BEND6: variants seen among roughly 807,000 people sequenced by gnomAD.
The protein encoded by BEND6 is BEN domain-containing protein 6.
In BEND6, 24 loss-of-function variants were observed where a neutral mutation model predicts 31.8. The observed-to-expected ratio is 0.75, with a 90% CI of 0.55 to 1.06. The LOEUF is 1.06. BEND6 is among the 50% of genes least tolerant of loss of function. The pLI is 0.00. For synonymous variants in BEND6, 109 were observed against 114.6 expected, an observed-to-expected ratio of 0.95 and a Z score of 0.31; for missense variants, 294 against 327.4, an observed-to-expected ratio of 0.90 and a Z score of 0.79.
intron 1 of BEND6, among the ~76,000 whole-genome samples, chr6:56,961,698 A>G (rs192176308): frequency 5.9e-5 from 9 of 152,232 alleles, no homozygotes; most frequent in African/African-American, 2.2e-4. Flanking sequence ...GAGGGACAAA[A>G]GGAATTAGTA....
intron 4 of BEND6, 108 bp downstream of exon 4, chr6:57,015,461 AG>A: frequency 1.3e-5 from 14 of 1,078,554 alleles, no homozygotes; most frequent in African/African-American, 1.6e-5. Flanking sequence ...TGGATAAAAT[AG>A]TTTTATTCAA....
At chr6:56,976,961 C>T (rs1825898715) in intron 1 of BEND6, among the ~76,000 whole-genome samples, 1 of 152,146 alleles carries the variant, frequency 6.6e-6, no homozygotes, top group South Asian at 2.1e-4. Flanking sequence ...ATTTCCAACT[C>T]ACAGGAAAAT....
intron 3 of BEND6, chr6:57,010,790 G>A: frequency 3.6e-6 from 3 of 838,296 alleles, no homozygotes; most frequent in Non-Finnish European, 4.3e-6. Context: ...GAATGAGTAA[G>A]TATAAAATAA....
chr6:56,983,940 C>T (rs1290484391), intron 2 of BEND6, among the ~76,000 whole-genome samples: 2 of 152,034 alleles, frequency 1.3e-5, no homozygotes, highest in Non-Finnish European at 2.9e-5. Flanking sequence ...TTTGTGAGGC[C>T]AGATGCAGTG....
rs1471733070 is a variant in BEND6 at position 57,017,308 on chromosome 6, C to T, written c.621C>T (p.Ala207=). The T allele has an allele frequency of 1.4e-6, 2 of 1,479,424 alleles. No individual in the cohort carries two copies. Among genetic ancestry groups the T allele is most frequent in the East Asian group, 2.7e-5 (1 of 37,726 alleles). The allele number at this position is 1,479,424 out of a possible 1,614,324, so 91.6% of individuals were successfully genotyped here. The part of the protein sequence containing the change: ...MQVLYTNEYM[A]THSLTGAKSS... ...TACTTTACACAAATGAATACATGGCCACTCACAGCCTGACAGGGGCAAAAT... is the reference window on the plus strand; with the variant it reads ...TACTTTACACAAATGAATACATGGCTACTCACAGCCTGACAGGGGCAAAAT... The change falls in exon 5 of 7, where the codon GCC becomes GCT. Residue 207 remains alanine, a synonymous_variant. Transcript: ENST00000370746.
Position 56,955,401 on chromosome 6 carries a change from C to G in BEND6, c.-160C>G, listed in dbSNP as rs973903558. The stretch of plus-strand genomic sequence containing the variant: ...ACAGGAGCCTCCCGGCGGTGCTACC[C>G]TCCACCTCCCACCTCCCTGCGCCCC... On this transcript the variant is annotated 5_prime_UTR_variant, in exon 1 of 7. Transcript: ENST00000370746. 3 of 152,316 alleles carry G rather than the reference C, an allele frequency of 2.0e-5. No homozygotes were observed. The highest frequency in any genetic ancestry group is 7.2e-5 in the African/African-American group (3 of 41,462). 9.4% of individuals were successfully genotyped at this position (152,316 alleles called of 1,614,324 possible).
At position 56,992,425 on chromosome 6, in the gene BEND6, T is replaced by A. The variant is rs752357616; in HGVS notation, c.168T>A (p.Ser56Arg). Reference sequence around the variant, plus strand: ...CCTTTCTGCCTGGTGAAAGCTCCAGTGAGGATGAAGAGCCTTTAGCAGAAT... The same window carrying A: ...CCTTTCTGCCTGGTGAAAGCTCCAGAGAGGATGAAGAGCCTTTAGCAGAAT... ...GNAFLPGESS[S>R]EDEEPLAELS... is the part of the protein sequence containing the mutation. The change falls in exon 3 of 7, where the codon AGT becomes AGA. Residue 56 changes from serine to arginine, a missense_variant. By Grantham distance (110) the Ser-to-Arg change is moderately radical. Coordinates refer to ENST00000370746, the MANE Select transcript of BEND6 (RefSeq NM_152731.3). The A allele has an allele frequency of 2.7e-5, 44 of 1,613,686 alleles. 1 individual carries two copies. In the South Asian group the frequency reaches 4.5e-4, roughly 17 times the overall value.
chr6:57,018,500 C>A lies in BEND6; in HGVS notation c.792C>A (p.Thr264=). The A allele has an allele frequency of 6.3e-7, 1 of 1,579,634 alleles. No homozygotes were observed. The highest frequency in any genetic ancestry group is 1.9e-5 in the Admixed American group (1 of 52,286). ...TAGGGCAAAAGCTAAACAACTGTAC[C>A]AAGAAGCCAAATTTAAGCAAAAATC... is the stretch of plus-strand genomic sequence containing the variant. ...RMIGQKLNNC[T]KKPNLSKNLN... Residue 264 remains threonine, a synonymous_variant, in exon 6 of 7, where the codon ACC becomes ACA. Coordinates refer to ENST00000370746, the MANE Select transcript of BEND6 (RefSeq NM_152731.3).
At position 56,971,596 on chromosome 6, in the gene BEND6, ACAGGGTT is replaced by A. The variant is rs539295835; in HGVS notation, c.-100-10113_-100-10107del. ...CATCTTACATTACCACCAACAGTGC[ACAGGGTT>A]CCAGTTCCTCTATATCCTTACCAAT... On this transcript the variant is annotated intron_variant, in intron 1 of 6. Transcript: ENST00000370746. 1.2e-4 allele frequency among the ~76,000 whole-genome samples: 18 copies of A among 152,292 alleles called. No homozygotes were observed. The East Asian group carries it at 3.5e-3, about 29-fold the overall frequency.
At chr6:56,996,836 TA>T (rs1339725003) in intron 3 of BEND6, among the ~76,000 whole-genome samples, 1 of 152,232 alleles carries the variant, frequency 6.6e-6, no homozygotes, top group East Asian at 1.9e-4. Flanking sequence ...TAGCCACCAT[TA>T]CCTCTCATCT....
intron 6 of BEND6, among the ~76,000 whole-genome samples, chr6:57,025,404 A>G (rs989884487): frequency 1.3e-5 from 2 of 152,264 alleles, no homozygotes; most frequent in African/African-American, 4.8e-5. Context: ...CTTTTTTCCC[A>G]ACTAGGTCAC....
In BEND6 at chr6:57,026,945, A is replaced by G. The variant is rs1023988356; in HGVS notation, c.*873A>G. ...ACATGATAGATAGTTGGTCGATTAC[A>G]TTGCTATACTGCTTAGTTTTAACTG... On this transcript the variant is annotated 3_prime_UTR_variant, in exon 7 of 7. Coordinates refer to ENST00000370746, the MANE Select transcript of BEND6 (RefSeq NM_152731.3). 6.6e-6 allele frequency: 1 copy of G among 152,228 alleles called. No individual in the cohort carries two copies. The highest frequency in any genetic ancestry group is 2.1e-4 in the South Asian group (1 of 4,830). 9.4% of individuals were successfully genotyped at this position (152,228 alleles called of 1,614,324 possible). A position where few individuals can be genotyped will look rare whatever the true frequency, so the allele number is the denominator to read the frequency against.
At chr6:56,967,535 G>T (rs1249320043) in intron 1 of BEND6, among the ~76,000 whole-genome samples, 1 of 152,120 alleles carries the variant, frequency 6.6e-6, no homozygotes, top group African/African-American at 2.4e-5. Context: ...GAGTTCGGGA[G>T]CCCAAACAGG....
chr6:56,994,142 A>G (rs1345384013), intron 3 of BEND6, among the ~76,000 whole-genome samples: 1 of 152,154 alleles, frequency 6.6e-6, no homozygotes, highest in Admixed American at 6.5e-5. Flanking sequence ...TAGTTTATAA[A>G]ATTAGCATGA....
intron 3 of BEND6, among the ~76,000 whole-genome samples, chr6:57,000,884 G>GGAA (rs1491164811): frequency 3.0e-5 from 3 of 99,754 alleles, no homozygotes; most frequent in African/African-American, 1.2e-4. Context: ...CACTTCCTCT[G>GGAA]AAAAAAAAAA....
At chr6:56,983,556 C>T (rs987134084) in intron 2 of BEND6, among the ~76,000 whole-genome samples, 3 of 152,140 alleles carry the variant, frequency 2.0e-5, no homozygotes, top group Admixed American at 2.0e-4. Context: ...TGAGATCATG[C>T]AATAATTTTC....
At chr6:57,011,079 T>A (rs1008802190) in intron 3 of BEND6, 1 of 159,374 alleles carries the variant, frequency 6.3e-6, no homozygotes, top group Non-Finnish European at 1.3e-5. Flanking sequence ...CTCCAATAGA[T>A]AATTGATAGA....
chr6:56,989,976 A>G (rs954445882), intron 2 of BEND6, among the ~76,000 whole-genome samples: 39 of 152,166 alleles, frequency 2.6e-4, no homozygotes, highest in African/African-American at 8.2e-4. Context: ...TCCTGCCCCA[A>G]GTTCAAAATA....
intron 3 of BEND6, chr6:57,010,110 T>C (rs1243472741): frequency 6.6e-6 from 1 of 152,216 alleles, no homozygotes; most frequent in Non-Finnish European, 1.5e-5. Flanking sequence ...TACCACCTGA[T>C]GGAAGTTAAA....
Sources: gnomAD v4.1 joint callset for allele counts (sites outside exome capture counted in the v4.1 genomes callset) on GRCh38, gnomAD v4.1.1 for gene constraint, MANE v1.5 for transcripts, NCBI Gene and HGNC (gene_info 2026-07-23, HGNC 2026-07-21) for gene names.